Variants in PTHLH observed in about 807,000 individuals in gnomAD.
PTHLH encodes the protein parathyroid hormone-related protein.
PTHLH carries 5 observed loss-of-function variants against 18.6 expected under a neutral mutation model. That is an observed-to-expected ratio of 0.27 (90% CI 0.14 to 0.56). The LOEUF is 0.56. Ranked by LOEUF, PTHLH falls within the 20% of genes least tolerant of loss-of-function variation. The pLI, the probability that PTHLH is intolerant of heterozygous loss-of-function variation, is 0.92. For synonymous variants in PTHLH, 90 were observed against 94.0 expected (o/e 0.96, Z 0.25); for missense variants, 207 against 223.9 (o/e 0.92, Z 0.48).
chr12:27,966,280 C>T (rs1244639269), intron 4 of PTHLH, among the ~76,000 whole-genome samples: 1 of 152,192 alleles, frequency 6.6e-6, no homozygotes, highest in African/African-American at 2.4e-5. Flanking sequence ...TAAAATAGTA[C>T]ATTGCTTACG....
At chr12:27,959,939 TTGAGTA>T (rs2062740040) in intron 5 of PTHLH, among the ~76,000 whole-genome samples, 1 of 152,218 alleles carries the variant, frequency 6.6e-6, no homozygotes, top group African/African-American at 2.4e-5. Context: ...ATTTTGTGAA[TTGAGTA>T]TAAGAATAAC....
intron 4 of PTHLH, 128 bp from the exon 5 acceptor site, chr12:27,963,898 G>T: frequency 1.1e-6 from 1 of 932,678 alleles, no homozygotes; most frequent in Non-Finnish European, 1.6e-6. Context: ...TGGATGGGTA[G>T]CAAGCTCATT....
intron 5 of PTHLH, 169 bp downstream of exon 5, chr12:27,963,179 T>G: frequency 6.7e-7 from 1 of 1,501,422 alleles, no homozygotes; most frequent in Non-Finnish European, 8.9e-7. Flanking sequence ...AGGGGGGTAC[T>G]GCTTTAAGGC....
chr12:27,965,752 T>C (rs1331293348), intron 4 of PTHLH, among the ~76,000 whole-genome samples: 1 of 152,154 alleles, frequency 6.6e-6, no homozygotes, highest in Non-Finnish European at 1.5e-5. Context: ...CGGTAATAGT[T>C]AGTATTCTGG....
At chr12:27,963,943 C>G (rs1216865279) in intron 4 of PTHLH, among the ~76,000 whole-genome samples, 173 bp from the exon 5 acceptor site, 1 of 152,096 alleles carries the variant, frequency 6.6e-6, no homozygotes, top group Non-Finnish European at 1.5e-5. Flanking sequence ...AAGGAAAGAG[C>G]TGGCAGTTGG....
At chr12:27,965,129 T>A (rs1279634931) in intron 4 of PTHLH, among the ~76,000 whole-genome samples, 1 of 152,208 alleles carries the variant, frequency 6.6e-6, no homozygotes, top group South Asian at 2.1e-4. Context: ...ATTGTATTCA[T>A]GGGGAAAGTG....
At chr12:27,959,530 T>C (rs1311093619) in intron 5 of PTHLH, among the ~76,000 whole-genome samples, 3 of 152,196 alleles carry the variant, frequency 2.0e-5, no homozygotes, top group Non-Finnish European at 2.9e-5. Flanking sequence ...GTCTATGTAT[T>C]TGTTCCCAAG....
chr12:27,969,169 C>G lies in PTHLH; in HGVS notation c.101+225G>C, dbSNP rs26302. The G allele has an allele frequency of 0.64, 369,415 of 577,480 alleles. 118,837 individuals are homozygous for G. Among genetic ancestry groups the G allele is most frequent in the East Asian group, 0.72 (25,252 of 34,846 alleles). 35.8% of individuals were successfully genotyped at this position (577,480 alleles called of 1,614,324 possible). A position where few individuals can be genotyped will look rare whatever the true frequency, so the allele number is the denominator to read the frequency against. On this transcript the variant is annotated intron_variant, in intron 4 of 5. Coordinates refer to ENST00000545234, the MANE Select transcript of PTHLH (RefSeq NM_198965.2). The stretch of plus-strand genomic sequence containing the variant: ...TGAAACGCTCCCTCTTATGGAAACA[C>G]ACATAAAGTCTCTCTCTTGCCTGTC...
Position 27,963,687 on chromosome 12 carries a change from T to C in PTHLH, c.185A>G (p.His62Arg). The change falls in exon 5 of 6, where the codon CAT (histidine) becomes CGT (arginine). Residue 62 changes from histidine (H) to arginine (R), a missense_variant. His to Arg is a conservative substitution (Grantham distance 29). Coordinates refer to ENST00000545234, the MANE Select transcript of PTHLH (RefSeq NM_198965.2). The part of the protein sequence containing the change: ...QDLRRRFFLH[H>R]LIAEIHTAEI... ...AGCTGTGTGGATTTCTGCGATCAGA[T>C]GGTGAAGGAAGAATCGTCGCCGTAA... 6.2e-7 allele frequency: 1 copy of C among 1,613,506 alleles called. No individual in the cohort carries two copies. Among genetic ancestry groups the C allele is most frequent in the Non-Finnish European group, 8.5e-7 (1 of 1,179,802 alleles).
chr12:27,969,508 G>A lies in PTHLH; in HGVS notation c.-14C>T. 6.4e-7 allele frequency: 1 copy of A among 1,560,228 alleles called. No individual in the cohort carries two copies. On this transcript the variant is annotated 5_prime_UTR_variant, in exon 4 of 6. Coordinates refer to ENST00000545234, the MANE Select transcript of PTHLH (RefSeq NM_198965.2). ...TCTCCGCTGCATCGTCTCCGCTCGC[G>A]CTCGGGACCTGCAACAGAAGGGAAT...
In PTHLH at chr12:27,969,704, A is replaced by G. The variant is rs374178741; in HGVS notation, c.-22-188T>C. 1.5e-4 allele frequency: 114 copies of G among 753,428 alleles called. No homozygotes were observed. The African/African-American group carries it at 1.7e-3, about 12-fold the overall frequency. The allele number at this position is 753,428 out of a possible 1,614,324, so 46.7% of individuals were successfully genotyped here. A position where few individuals can be genotyped will look rare whatever the true frequency, so the allele number is the denominator to read the frequency against. ...ACTTATTTAGCAACCGGCTACTCCA[A>G]CTGTGCTTTCTCCAAACCACACAGC... is the stretch of plus-strand genomic sequence containing the variant. On this transcript the variant is annotated intron_variant, in intron 3 of 5. Transcript: ENST00000545234.
chr12:27,965,193 AGCCAG>A (rs1366276801), intron 4 of PTHLH, among the ~76,000 whole-genome samples: 1 of 152,252 alleles, frequency 6.6e-6, no homozygotes, highest in East Asian at 1.9e-4. Flanking sequence ...GAACTGGCAG[AGCCAG>A]GGCTCCAAAA....
At chr12:27,960,918 A>T (rs1008656130) in intron 5 of PTHLH, among the ~76,000 whole-genome samples, 1 of 152,022 alleles carries the variant, frequency 6.6e-6, no homozygotes, top group African/African-American at 2.4e-5. Context: ...CAAAACTTGC[A>T]TGGCCCCATA....
chr12:27,969,460 G>T lies in PTHLH; in HGVS notation c.35C>A (p.Ala12Glu). The T allele has an allele frequency of 6.3e-7, 1 of 1,591,688 alleles. No homozygotes were observed. The highest frequency in any genetic ancestry group is 8.5e-7 in the Non-Finnish European group (1 of 1,170,862). Reference sequence around the variant, plus strand: ...CACCGCGTAGCTCAGCAGGAACACCGCGACGCTCCACTGCTGAACCAGTCT... The same window carrying T: ...CACCGCGTAGCTCAGCAGGAACACCTCGACGCTCCACTGCTGAACCAGTCT... ...QRRLVQQWSV[A>E]VFLLSYAVPS... The change falls in exon 4 of 6, where the codon GCG becomes GAG. Residue 12 changes from alanine (A) to glutamate (E), a missense_variant. Transcript: ENST00000545234.
chr12:27,969,646 G>C (rs751877281), intron 3 of PTHLH, 130 bp from the exon 4 acceptor site: 4 of 883,544 alleles, frequency 4.5e-6, no homozygotes, highest in Non-Finnish European at 7.5e-6. Flanking sequence ...AAGTTGAAAA[G>C]AAAAAAAATT....
At chr12:27,961,988 A>G in intron 5 of PTHLH, 1 of 702,840 alleles carries the variant, frequency 1.4e-6, no homozygotes. Context: ...AACCCCACAG[A>G]AGTGCTGTAC....
At chr12:27,961,839 C>T (rs765288646) in intron 5 of PTHLH, 1 of 591,728 alleles carries the variant, frequency 1.7e-6, no homozygotes, top group African/African-American at 1.9e-5. Context: ...GTTCAAGGTC[C>T]CCTTTGAAGC....
At chr12:27,967,233 G>A (rs1231649618) in intron 4 of PTHLH, among the ~76,000 whole-genome samples, 1 of 152,172 alleles carries the variant, frequency 6.6e-6, no homozygotes, top group Admixed American at 6.5e-5. Context: ...TCACTTTCCA[G>A]TATCCAACTT....
intron 4 of PTHLH, among the ~76,000 whole-genome samples, chr12:27,964,234 TTC>T (rs60461766): frequency 1.6e-3 from 232 of 144,652 alleles, no homozygotes; most frequent in African/African-American, 4.9e-3. Context: ...TACCTGAGTA[TTC>T]TCTCTCTCTC....
Sources: allele counts gnomAD v4.1 joint callset (sites outside exome capture counted in the v4.1 genomes callset), GRCh38; gene constraint gnomAD v4.1.1; transcripts MANE v1.5; gene names NCBI Gene and HGNC (gene_info 2026-07-23, HGNC 2026-07-21).